Variants in NDST3 observed in about 807,000 individuals in gnomAD.
NDST3 encodes the protein N-deacetylase and N-sulfotransferase 3.
Under a neutral mutation model 96.1 loss-of-function variants are expected in NDST3, and 58 were observed. The observed-to-expected ratio is 0.60, with a 90% confidence interval of 0.49 to 0.75. NDST3 has a LOEUF of 0.75. Ranked by LOEUF, NDST3 falls within the 30% of genes least tolerant of loss-of-function variation. The pLI, the probability that NDST3 is intolerant of heterozygous loss-of-function variation, is 0.00. For missense variants in NDST3, 788 were observed against 1,034.2 expected (o/e 0.76, Z 3.27); for synonymous variants, 333 against 359.7 (o/e 0.93, Z 0.84).
Position 118,054,773 on chromosome 4 carries a change from C to T in NDST3, c.863C>T (p.Ala288Val). 1 of 1,613,318 alleles carries T rather than the reference C, an allele frequency of 6.2e-7. No individual in the cohort carries two copies. Among genetic ancestry groups the T allele is most frequent in the Non-Finnish European group, 8.5e-7 (1 of 1,179,452 alleles). ...FWLHKLIFIDAISFLSGKRLT... is the reference protein window; with the variant it reads ...FWLHKLIFIDVISFLSGKRLT... ...CTGCACAAGCTCATCTTCATAGATG[C>T]CATCTCCTTCTTATCAGGGAAGAGG... Residue 288 changes from alanine to valine, a missense_variant, in exon 2 of 14, where the codon GCC becomes GTC. Transcript: ENST00000296499.
At chr4:118,037,448 A>G (rs1268472136) in intron 1 of NDST3, among the ~76,000 whole-genome samples, 1 of 152,222 alleles carries the variant, frequency 6.6e-6, no homozygotes, top group African/African-American at 2.4e-5. Flanking sequence ...CTAAGATCAC[A>G]TCCCTGGCAA....
Position 118,051,612 on chromosome 4 carries a change from T to C in NDST3, c.-155-2144T>C, listed in dbSNP as rs1412038245. ...GGCAAAGGACATGAGCAGATGTTTC[T>C]TCAAAGAAGCAATCAGGCAAGAGAA... On this transcript the variant is annotated intron_variant, in intron 1 of 13. Transcript: ENST00000296499. 2.6e-5 allele frequency among the ~76,000 whole-genome samples: 4 copies of C among 152,114 alleles called. No homozygotes were observed. The East Asian group carries it at 7.7e-4, about 29-fold the overall frequency.
chr4:118,210,287 C>G (rs945369605), intron 6 of NDST3, among the ~76,000 whole-genome samples: 2 of 152,056 alleles, frequency 1.3e-5, no homozygotes, highest in African/African-American at 4.8e-5. Flanking sequence ...GAGGGGGACA[C>G]AGTAGGTTGT....
chr4:118,205,232 CAAAT>C (rs1397046702), intron 6 of NDST3, among the ~76,000 whole-genome samples: 3 of 143,780 alleles, frequency 2.1e-5, no homozygotes, highest in East Asian at 3.9e-4. Context: ...TTGAGATAGA[CAAAT>C]AGATACTCAA....
At chr4:118,076,795 A>C (rs1242699938) in intron 2 of NDST3, among the ~76,000 whole-genome samples, 5 of 152,094 alleles carry the variant, frequency 3.3e-5, no homozygotes, top group Non-Finnish European at 7.4e-5. Context: ...TACGCCTGTT[A>C]TTTCAGCTAT....
At chr4:118,046,984 G>A (rs1275216252) in intron 1 of NDST3, among the ~76,000 whole-genome samples, 2 of 152,234 alleles carry the variant, frequency 1.3e-5, no homozygotes, top group Non-Finnish European at 2.9e-5. Context: ...CAAGGTCCAA[G>A]AGTGGACATG....
intron 4 of NDST3, among the ~76,000 whole-genome samples, chr4:118,130,828 T>G (rs1732550186): frequency 6.6e-6 from 1 of 152,214 alleles, no homozygotes; most frequent in Admixed American, 6.5e-5. Context: ...TGAAGAATAT[T>G]TCCACCAGAT....
Position 118,054,420 on chromosome 4 carries a change from G to A in NDST3, c.510G>A (p.Lys170=), listed in dbSNP as rs754098203. The change falls in exon 2 of 14, where the codon AAG becomes AAA. Residue 170 remains lysine (K), a synonymous_variant. Coordinates refer to ENST00000296499, the MANE Select transcript of NDST3 (RefSeq NM_004784.3). ...GVIGFHKTSE[K]SVQSFQLKGF... is the part of the protein sequence containing the mutation. The stretch of plus-strand genomic sequence containing the variant: ...TTGGATTCCACAAAACTAGTGAGAA[G>A]AGTGTACAGAGCTTTCAGTTAAAAG... 6.2e-7 allele frequency: 1 copy of A among 1,612,976 alleles called. No individual in the cohort carries two copies. The highest frequency in any genetic ancestry group is 8.5e-7 in the Non-Finnish European group (1 of 1,179,436).
chr4:118,143,458 C>A, intron 5 of NDST3, 98 bp from the exon 6 acceptor site: 1 of 1,280,820 alleles, frequency 7.8e-7, no homozygotes, highest in Non-Finnish European at 1.1e-6. Flanking sequence ...GAATAATTCA[C>A]TAGCTTGTGC....
At chr4:118,045,008 G>A (rs1042406944) in intron 1 of NDST3, among the ~76,000 whole-genome samples, 3 of 151,938 alleles carry the variant, frequency 2.0e-5, no homozygotes, top group South Asian at 2.1e-4. Context: ...AAACTTTGGC[G>A]GACACATACA....
intron 6 of NDST3, among the ~76,000 whole-genome samples, chr4:118,206,538 T>C (rs1738454330): frequency 6.9e-6 from 1 of 144,636 alleles, no homozygotes; most frequent in Non-Finnish European, 1.5e-5. Flanking sequence ...CAAGAATGAA[T>C]ATAGGCCTGT....
At chr4:118,236,293 G>A (rs1216874658) in intron 9 of NDST3, among the ~76,000 whole-genome samples, 1 of 152,132 alleles carries the variant, frequency 6.6e-6, no homozygotes, top group African/African-American at 2.4e-5. Flanking sequence ...TATTCAGGTG[G>A]AACATTAAAT....
intron 6 of NDST3, among the ~76,000 whole-genome samples, chr4:118,161,191 C>T (rs895173779): frequency 2.6e-5 from 4 of 152,326 alleles, no homozygotes; most frequent in Middle Eastern, 3.4e-3. Context: ...AGCAGATTTT[C>T]GTGAACTGCG....
At position 118,224,661 on chromosome 4, in the gene NDST3, C is replaced by A. The variant is rs1402491860; in HGVS notation, c.1710C>A (p.Asp570Glu). 1 of 1,589,516 alleles carries A rather than the reference C, an allele frequency of 6.3e-7. No homozygotes were observed. Among genetic ancestry groups the A allele is most frequent in the Non-Finnish European group, 8.6e-7 (1 of 1,168,202 alleles). ...KYFELFPDQKDPLWQNPCDDK... is the reference protein window; with the variant it reads ...KYFELFPDQKEPLWQNPCDDK... ...TTGAGCTGTTTCCTGATCAGAAAGA[C>A]CCTCTCTGGCAGGTAAAATTAATTA... Residue 570 changes from aspartate to glutamate, a missense_variant, in exon 7 of 14, where the codon GAC becomes GAA. Coordinates refer to ENST00000296499, the MANE Select transcript of NDST3 (RefSeq NM_004784.3).
At chr4:118,171,036 C>A (rs1017129895) in intron 6 of NDST3, among the ~76,000 whole-genome samples, 1 of 152,138 alleles carries the variant, frequency 6.6e-6, no homozygotes, top group Non-Finnish European at 1.5e-5. Flanking sequence ...AGTACAAAAC[C>A]CCCATGAGTG....
intron 3 of NDST3, among the ~76,000 whole-genome samples, chr4:118,107,104 A>C (rs71627752): frequency 0.75 from 114,343 of 151,718 alleles, 45,715 homozygotes; most frequent in South Asian, 0.92. Flanking sequence ...TAATAATAAT[A>C]ATAATAATCA....
At position 118,246,973 on chromosome 4, in the gene NDST3, A is replaced by G. The variant is rs145412732; in HGVS notation, c.2399+4824A>G. On this transcript the variant is annotated intron_variant, in intron 12 of 13. Transcript: ENST00000296499. ...CCTCATATACTGCTAATGATAATGCATAATATATGGCCACTTTGGAAAGCA... is the reference window on the plus strand; with the variant it reads ...CCTCATATACTGCTAATGATAATGCGTAATATATGGCCACTTTGGAAAGCA... Among the ~76,000 whole-genome samples, 1,426 of 152,362 alleles carry G rather than the reference A, an allele frequency of 9.4e-3. 26 individuals carry two copies. Among genetic ancestry groups the G allele is most frequent in the Middle Eastern group, 0.082 (24 of 294 alleles).
rs1227443219 is a variant in NDST3 at position 118,257,002 on chromosome 4, T to G, written c.*1290T>G. 1 of 152,172 alleles carries G rather than the reference T, an allele frequency of 6.6e-6. No homozygotes were observed. Among genetic ancestry groups the G allele is most frequent in the Non-Finnish European group, 1.5e-5 (1 of 68,024 alleles). 9.4% of individuals were successfully genotyped at this position (152,172 alleles called of 1,614,324 possible). ...ATTAAGGATTAGCTACTAAATTAAA[T>G]GCAGGAAGTACAAAGATGAGCAAGT... On this transcript the variant is annotated 3_prime_UTR_variant, in exon 14 of 14. Transcript: ENST00000296499.
intron 6 of NDST3, among the ~76,000 whole-genome samples, chr4:118,180,890 C>A (rs1183109683): frequency 6.6e-5 from 10 of 152,148 alleles, no homozygotes; most frequent in Non-Finnish European, 1.5e-4. Flanking sequence ...ATTCCAACAG[C>A]CAGAGTTTGT....
Sources: gnomAD v4.1 joint callset for allele counts (sites outside exome capture counted in the v4.1 genomes callset) on GRCh38, gnomAD v4.1.1 for gene constraint, MANE v1.5 for transcripts, NCBI Gene and HGNC (gene_info 2026-07-23, HGNC 2026-07-21) for gene names.